The following NHSL2 variants were observed in gnomAD, a reference collection of about 807,000 sequenced individuals.
NHSL2 encodes NHS like 2.
In NHSL2, 27 loss-of-function variants were observed where a neutral mutation model predicts 53.4. The observed-to-expected ratio is 0.51, with a 90% CI of 0.37 to 0.70. The LOEUF is 0.70. Among genes scored for constraint, NHSL2 ranks in the 30% least tolerant of loss-of-function variants. The pLI is 0.00. For missense variants in NHSL2, 892 were observed against 980.1 expected, an observed-to-expected ratio of 0.91 and a Z score of 1.20; for synonymous variants, 408 against 404.1, an observed-to-expected ratio of 1.01 and a Z score of -0.12.
chrX:72,143,156 G>C (rs1284810226), intron 7 of NHSL2, 97 bp from the exon 8 acceptor site: 9 of 583,127 alleles, frequency 1.5e-5, no homozygotes, highest in Non-Finnish European at 2.4e-5. Flanking sequence ...TGCTTGCAGG[G>C]CTGCCGCCTG....
chrX:72,129,741 G>C, intron 1 of NHSL2: 1 of 905,829 alleles, frequency 1.1e-6, no homozygotes, highest in Non-Finnish European at 1.5e-6. Flanking sequence ...CTGAAGTCCT[G>C]GTCAGCAAAT....
chrX:71,951,362 A>G (rs1001066769), intron 1 of NHSL2, among the ~76,000 whole-genome samples: 1 of 111,959 alleles, frequency 8.9e-6, no homozygotes, highest in Non-Finnish European at 1.9e-5. Flanking sequence ...CCTGCTTTCA[A>G]TTCTTCTGGA....
intron 1 of NHSL2, among the ~76,000 whole-genome samples, chrX:71,921,657 ACAC>A (rs1051586127): frequency 9.0e-6 from 1 of 111,555 alleles, no homozygotes; most frequent in Non-Finnish European, 1.9e-5. Context: ...TTGGATCCCT[ACAC>A]CAGGTCAATC....
intron 1 of NHSL2, among the ~76,000 whole-genome samples, chrX:72,110,157 C>CCAG (rs1205002971): frequency 9.0e-6 from 1 of 111,530 alleles, no homozygotes; most frequent in East Asian, 2.8e-4. Flanking sequence ...GGTATGAAGA[C>CCAG]CAGCAGCAGC....
intron 1 of NHSL2, among the ~76,000 whole-genome samples, chrX:72,101,694 G>T (rs1460924964): frequency 9.1e-6 from 1 of 109,864 alleles, no homozygotes; most frequent in African/African-American, 3.3e-5. Flanking sequence ...CTTTTTCATC[G>T]GCCCCACCTG....
At chrX:71,924,373 T>G (rs1310931839) in intron 1 of NHSL2, among the ~76,000 whole-genome samples, 1 of 112,079 alleles carries the variant, frequency 8.9e-6, no homozygotes, top group African/African-American at 3.2e-5. Flanking sequence ...CCTGCTATAC[T>G]TTTTTCACTA....
chrX:72,083,329 C>T, intron 1 of NHSL2, among the ~76,000 whole-genome samples: 1 of 113,136 alleles, frequency 8.8e-6, no homozygotes, highest in Non-Finnish European at 1.9e-5. Context: ...AGGGAGGGAA[C>T]TCCAAGGCGA....
At chrX:72,099,087 A>G (rs894594932) in intron 1 of NHSL2, among the ~76,000 whole-genome samples, 33 of 111,056 alleles carry the variant, frequency 3.0e-4, no homozygotes, top group African/African-American at 1.0e-3. Context: ...TAGATGCACC[A>G]TGATGTGTGG....
At chrX:72,091,988 G>A (rs1026245561) in intron 1 of NHSL2, among the ~76,000 whole-genome samples, 2 of 111,099 alleles carry the variant, frequency 1.8e-5, no homozygotes, top group African/African-American at 6.6e-5. Flanking sequence ...ATGCACACAT[G>A]AACACACACA....
chrX:72,131,040 C>T, intron 1 of NHSL2: 1 of 1,210,812 alleles, frequency 8.3e-7, no homozygotes, highest in East Asian at 3.0e-5. Flanking sequence ...CTAGCTGCAT[C>T]AGGAATTCAG....
chrX:72,097,527 T>C (rs1179768356), intron 1 of NHSL2, among the ~76,000 whole-genome samples: 1 of 112,093 alleles, frequency 8.9e-6, no homozygotes, highest in Non-Finnish European at 1.9e-5. Context: ...TCCATTTGCA[T>C]TGAGAAGGAG....
At chrX:72,127,932 G>T (rs1240220691) in intron 1 of NHSL2, 3 of 112,895 alleles carry the variant, frequency 2.7e-5, no homozygotes, top group African/African-American at 9.7e-5. Context: ...CACTAGAAAG[G>T]AAAGCAGCAA....
intron 1 of NHSL2, among the ~76,000 whole-genome samples, chrX:71,945,848 GT>G (rs1448732033): frequency 8.9e-6 from 1 of 111,926 alleles, no homozygotes; most frequent in Non-Finnish European, 1.9e-5. Flanking sequence ...ATGCCATCTT[GT>G]TTAACCCTCA....
At chrX:71,919,301 A>G (rs745604340) in intron 1 of NHSL2, among the ~76,000 whole-genome samples, 171 of 111,919 alleles carry the variant, frequency 1.5e-3, no homozygotes, top group African/African-American at 5.3e-3. Context: ...ACAGTTCCTC[A>G]TCTGTAAAAT....
chrX:72,054,935 G>A (rs1055435622), intron 1 of NHSL2, among the ~76,000 whole-genome samples: 2 of 111,364 alleles, frequency 1.8e-5, no homozygotes. Context: ...ATATGCTAAT[G>A]AGATCACCCT....
At position 72,142,373 on chromosome X, in the gene NHSL2, C is replaced by T; in HGVS notation, c.3356+9C>T. On this transcript the variant is annotated intron_variant, in intron 7 of 7. Transcript: ENST00000633930. The stretch of plus-strand genomic sequence containing the variant: ...TTTACTGTGATACACAGGTCTGCAC[C>T]AATTTCCTTAATTCTAATTGCAATT... 1.8e-6 allele frequency: 2 copies of T among 1,122,310 alleles called. No individual in the cohort carries two copies. Among genetic ancestry groups the T allele is most frequent in the Non-Finnish European group, 2.4e-6 (2 of 843,814 alleles). The allele number at this position is 1,122,310 out of a possible 1,213,427, so 92.5% of individuals were successfully genotyped here.
chrX:71,968,022 G>T (rs1160128985), intron 1 of NHSL2, among the ~76,000 whole-genome samples: 5 of 108,108 alleles, frequency 4.6e-5, no homozygotes, highest in African/African-American at 1.7e-4. Context: ...AAGAGACAGG[G>T]TCTCTGCCCC....
At chrX:72,042,453 G>A (rs1038705258) in intron 1 of NHSL2, among the ~76,000 whole-genome samples, 5 of 111,570 alleles carry the variant, frequency 4.5e-5, no homozygotes, top group Admixed American at 3.8e-4. Flanking sequence ...TGGCCTCACT[G>A]CTTCCTCACG....
rs977221822 is a variant in NHSL2 at position 72,145,362 on chromosome X, T to C, written c.*1788T>C. ...GCCCTAGGCCTAGGCCCTTTGTTGT[T>C]ATAGTTCTGAATCTGAGACTTCTGG... On this transcript the variant is annotated 3_prime_UTR_variant, in exon 8 of 8. Transcript: ENST00000633930. 2 of 112,423 alleles carry C rather than the reference T, an allele frequency of 1.8e-5. No homozygotes were observed. The highest frequency in any genetic ancestry group is 9.4e-5 in the Admixed American group (1 of 10,648). The allele number at this position is 112,423 out of a possible 1,213,427, so 9.3% of individuals were successfully genotyped here. A position where few individuals can be genotyped will look rare whatever the true frequency, so the allele number is the denominator to read the frequency against.
Sources: allele counts gnomAD v4.1 joint callset (sites outside exome capture counted in the v4.1 genomes callset), GRCh38; gene constraint gnomAD v4.1.1; transcripts MANE v1.5; gene names NCBI Gene and HGNC (gene_info 2026-07-23, HGNC 2026-07-21).